The following SNX19 variants were observed in gnomAD, a reference collection of about 807,000 sequenced individuals.
SNX19 encodes the protein sorting nexin-19.
In SNX19, 60 loss-of-function variants were observed where a neutral mutation model predicts 85.2. The ratio of observed to expected loss-of-function variants is 0.70; its 90% CI spans 0.57 to 0.87. The LOEUF is 0.87. Ranked by LOEUF, SNX19 falls within the 40% of genes least tolerant of loss-of-function variation. The pLI, the probability that SNX19 is intolerant of heterozygous loss-of-function variation, is 0.00. For missense variants in SNX19, 1,201 were observed against 1,217.8 expected (o/e 0.99, Z 0.21); for synonymous variants, 520 against 470.0 (o/e 1.11, Z -1.38).
At position 130,915,328 on chromosome 11, in the gene SNX19, G is replaced by A. The variant is rs1054580515; in HGVS notation, c.612C>T (p.Ser204=). The A allele has an allele frequency of 6.2e-7, 1 of 1,614,184 alleles. No individual in the cohort carries two copies. Among genetic ancestry groups the A allele is most frequent in the South Asian group, 1.1e-5 (1 of 91,082 alleles). Residue 204 remains serine (S), a synonymous_variant, in exon 1 of 11, where the codon AGC becomes AGT. Transcript: ENST00000265909. ...RATAPHPAVH[S]PSAEVTYTRG... ...GCGTATAGGTGACTTCAGCACTGGG[G>A]CTGTGCACAGCAGGATGTGGGGCAG...
intron 8 of SNX19, among the ~76,000 whole-genome samples, chr11:130,882,480 C>G (rs908915023): frequency 3.9e-5 from 6 of 152,246 alleles, no homozygotes; most frequent in Non-Finnish European, 7.3e-5. Flanking sequence ...CCAAGGCTCA[C>G]AACTGATTCT....
chr11:130,914,152 T>G, intron 1 of SNX19, 114 bp downstream of exon 1: 1 of 849,156 alleles, frequency 1.2e-6, no homozygotes, highest in Non-Finnish European at 1.8e-6. Flanking sequence ...TAGATGCCTA[T>G]TGAAAGAACC....
chr11:130,885,114 G>T (rs1943966776), intron 8 of SNX19, among the ~76,000 whole-genome samples: 1 of 152,026 alleles, frequency 6.6e-6, no homozygotes, highest in Admixed American at 6.6e-5. Context: ...CCCAAACCAG[G>T]TCTCTTGTGT....
chr11:130,878,512 C>T lies in SNX19; in HGVS notation c.2889G>A (p.Leu963=), dbSNP rs1356753063. ...YCLGDIILEF[L]DLSASVEESA... is the part of the protein sequence containing the mutation. ...ACTCCTCAACAGAGGCACTGAGATCCAAGAATTCCAGGATGATGTCCCCAA... is the reference window on the plus strand; with the variant it reads ...ACTCCTCAACAGAGGCACTGAGATCTAAGAATTCCAGGATGATGTCCCCAA... Residue 963 remains leucine, a synonymous_variant, in exon 11 of 11, where the codon TTG becomes TTA. Coordinates refer to ENST00000265909, the MANE Select transcript of SNX19 (RefSeq NM_014758.3). The T allele has an allele frequency of 6.2e-7, 1 of 1,613,782 alleles. No homozygotes were observed. Among genetic ancestry groups the T allele is most frequent in the African/African-American group, 1.3e-5 (1 of 74,964 alleles).
chr11:130,881,685 C>A (rs1943691515), intron 8 of SNX19, among the ~76,000 whole-genome samples: 1 of 152,224 alleles, frequency 6.6e-6, no homozygotes, highest in South Asian at 2.1e-4. Context: ...CCTCTTCTCG[C>A]CTTGCCTGAA....
At chr11:130,905,925 C>T in intron 7 of SNX19, 28 bp downstream of exon 7, 1 of 1,614,132 alleles carries the variant, frequency 6.2e-7, no homozygotes, top group Non-Finnish European at 8.5e-7. Context: ...GCTCCCTTCT[C>T]CATGGGAGCA....
chr11:130,883,799 G>A (rs1893016), intron 8 of SNX19, among the ~76,000 whole-genome samples: 9,508 of 152,166 alleles, frequency 0.062, 1,019 homozygotes, highest in African/African-American at 0.22. Context: ...ACTTCTGAGC[G>A]ATGGTGTCTC....
intron 8 of SNX19, among the ~76,000 whole-genome samples, chr11:130,891,784 C>T (rs555812957): frequency 3.1e-4 from 47 of 151,540 alleles, no homozygotes; most frequent in Non-Finnish European, 6.2e-4. Flanking sequence ...AAAGGGAAAG[C>T]TCTAACAATT....
At chr11:130,898,757 G>A (rs979984692) in intron 8 of SNX19, among the ~76,000 whole-genome samples, 1 of 152,220 alleles carries the variant, frequency 6.6e-6, no homozygotes, top group African/African-American at 2.4e-5. Context: ...CTGTCCCAGG[G>A]ATAGTAACAT....
At chr11:130,880,343 GAA>G (rs1261713606) in intron 9 of SNX19, among the ~76,000 whole-genome samples, 1 of 151,634 alleles carries the variant, frequency 6.6e-6, no homozygotes. Flanking sequence ...CAGGTAGAGA[GAA>G]AGTTATTAAC....
intron 8 of SNX19, among the ~76,000 whole-genome samples, chr11:130,900,663 A>G (rs185823610): frequency 1.7e-3 from 255 of 152,204 alleles, no homozygotes; most frequent in African/African-American, 5.6e-3. Context: ...ACTCATCTAT[A>G]CTTTTATCCT....
intron 8 of SNX19, among the ~76,000 whole-genome samples, chr11:130,889,016 C>T (rs982458499): frequency 2.0e-5 from 3 of 152,098 alleles, no homozygotes; most frequent in Admixed American, 6.5e-5. Flanking sequence ...ATGCTTTCAC[C>T]ATGTAATCAG....
chr11:130,866,822 T>TG lies in SNX19; in HGVS notation c.*11599dup, dbSNP rs1303366875. ...TAGTCCTGGTGTGGGGCAGCAGAAA[T>TG]GCCACTGAGCTAGAAGCTGGAAGAC... On this transcript the variant is annotated 3_prime_UTR_variant, in exon 11 of 11. Transcript: ENST00000265909. 2 of 152,188 alleles carry TG rather than the reference T, an allele frequency of 1.3e-5. No individual in the cohort carries two copies. The highest frequency in any genetic ancestry group is 4.8e-5 in the African/African-American group (2 of 41,420). 9.4% of individuals were successfully genotyped at this position (152,188 alleles called of 1,614,324 possible).
rs758694982 is a variant in SNX19, at chr11:130,906,177, T to C, written c.2263-44A>G. 4 of 1,587,166 alleles carry C rather than the reference T, an allele frequency of 2.5e-6. 1 individual carries two copies. Among genetic ancestry groups the C allele is most frequent in the Middle Eastern group, 3.4e-4 (2 of 5,924 alleles). ...CATATCACATATGGAATGCTGACAG[T>C]AGGGGAGCAAATGCAGCACTCTAGG... On this transcript the variant is annotated intron_variant, in intron 6 of 10. Transcript: ENST00000265909.
intron 2 of SNX19, among the ~76,000 whole-genome samples, chr11:130,910,588 T>G (rs56098464): frequency 0.16 from 24,043 of 152,048 alleles, 2,145 homozygotes; most frequent in Middle Eastern, 0.24. Context: ...CAAGTTTAAA[T>G]CTGGGCTCAA....
At chr11:130,881,372 C>T (rs531337756) in intron 8 of SNX19, among the ~76,000 whole-genome samples, 145 of 152,190 alleles carry the variant, frequency 9.5e-4, no homozygotes, top group African/African-American at 3.0e-3. Context: ...TGCCATCTAC[C>T]GTACAAGAAG....
intron 2 of SNX19, chr11:130,911,387 A>G: frequency 6.6e-6 from 8 of 1,205,636 alleles, no homozygotes; most frequent in Non-Finnish European, 6.3e-6. Context: ...AAATGTGAAC[A>G]CTTATTTTTT....
chr11:130,883,135 C>T (rs1943800676), intron 8 of SNX19, among the ~76,000 whole-genome samples: 2 of 152,248 alleles, frequency 1.3e-5, no homozygotes, highest in Non-Finnish European at 2.9e-5. Context: ...TGAATTTTAT[C>T]ATGTGGCAAA....
chr11:130,894,023 G>A (rs1282034447), intron 8 of SNX19: 1 of 572,164 alleles, frequency 1.7e-6, no homozygotes, highest in East Asian at 2.9e-5. Context: ...AGAGCCAAAC[G>A]GTCTCCATCC....
Sources: allele counts gnomAD v4.1 joint callset (sites outside exome capture counted in the v4.1 genomes callset), GRCh38; gene constraint gnomAD v4.1.1; transcripts MANE v1.5; gene names NCBI Gene and HGNC (gene_info 2026-07-23, HGNC 2026-07-21).